TEAD1: variants seen among roughly 807,000 people sequenced by gnomAD.
TEAD1 encodes transcriptional enhancer factor TEF-1.
Under a neutral mutation model 54.9 loss-of-function variants are expected in TEAD1, and 9 were observed. That is an observed-to-expected ratio of 0.16 (90% CI 0.10 to 0.29). The LOEUF (loss-of-function observed/expected upper bound fraction) is 0.29, where lower values mean the gene tolerates loss of function less well. TEAD1 is among the 10% of genes least tolerant of loss of function. The probability of loss-of-function intolerance (pLI) is 1.00; values close to 1 mark genes in which losing one functional copy is unlikely to be tolerated. For synonymous variants in TEAD1, 200 were observed against 187.8 expected (o/e 1.07, Z -0.53); for missense variants, 387 against 535.9 (o/e 0.72, Z 2.74).
At chr11:12,926,576 T>C (rs1948906319) in intron 11 of TEAD1, among the ~76,000 whole-genome samples, 1 of 152,030 alleles carries the variant, frequency 6.6e-6, no homozygotes, top group African/African-American at 2.4e-5. Context: ...TGATTATAGA[T>C]GCAAGACTAG....
chr11:12,913,207 C>A (rs112110517), intron 10 of TEAD1, among the ~76,000 whole-genome samples: 2 of 152,070 alleles, frequency 1.3e-5, no homozygotes, highest in African/African-American at 4.8e-5. Flanking sequence ...TGTGAGAGAC[C>A]CCCTCTCCAT....
rs200089160 is a variant in TEAD1, at chr11:12,902,098, C to T, written c.858C>T (p.Phe286=). 3.7e-5 allele frequency: 60 copies of T among 1,614,122 alleles called. No individual in the cohort carries two copies. The highest frequency in any genetic ancestry group is 4.6e-5 in the Non-Finnish European group (54 of 1,180,050). ...GAAAGGGCCCTCAAAATGCCTTCTT[C>T]CTCGTAAAATTCTGGGTGAGTAAGA... is the stretch of plus-strand genomic sequence containing the variant. Residue 286 remains phenylalanine (F), a synonymous_variant, in exon 10 of 13, where the codon TTC becomes TTT. Coordinates refer to ENST00000527636, the MANE Select transcript of TEAD1 (RefSeq NM_021961.6).
chr11:12,709,413 AT>A (rs1323774776), intron 2 of TEAD1, among the ~76,000 whole-genome samples: 2 of 151,412 alleles, frequency 1.3e-5, no homozygotes, highest in South Asian at 2.1e-4. Flanking sequence ...TTGAATTTTA[AT>A]TTTTTTTTAA....
chr11:12,845,146 G>A (rs1947118634), intron 3 of TEAD1, among the ~76,000 whole-genome samples: 1 of 151,684 alleles, frequency 6.6e-6, no homozygotes, highest in Admixed American at 6.6e-5. Context: ...TGTATTTTTA[G>A]TAGACACGGG....
intron 3 of TEAD1, among the ~76,000 whole-genome samples, chr11:12,845,853 C>T (rs1169717504): frequency 6.6e-6 from 1 of 152,204 alleles, no homozygotes; most frequent in Non-Finnish European, 1.5e-5. Flanking sequence ...TCCCAGGGGG[C>T]TGTGCCCCGC....
intron 7 of TEAD1, 96 bp downstream of exon 7, chr11:12,881,147 G>A (rs1947957680): frequency 1.5e-6 from 2 of 1,368,650 alleles, no homozygotes; most frequent in South Asian, 1.2e-5. Context: ...AGGGCCTGGA[G>A]GAGAAAGGAG....
At chr11:12,875,107 C>T (rs1947828926) in intron 5 of TEAD1, among the ~76,000 whole-genome samples, 1 of 152,208 alleles carries the variant, frequency 6.6e-6, no homozygotes, top group African/African-American at 2.4e-5. Flanking sequence ...AATGTGCTCA[C>T]CTTTGTAAAT....
chr11:12,873,474 G>A lies in TEAD1; in HGVS notation c.331-6234G>A, dbSNP rs548218465. Among the ~76,000 whole-genome samples the A allele has an allele frequency of 1.1e-4, 16 of 152,254 alleles. No individual in the cohort carries two copies. In the East Asian group the frequency reaches 2.7e-3, roughly 26 times the overall value. ...ATTATAAAATACCAAATATAGCTGA[G>A]TATATTTAAAAATGAACAATGGTAA... On this transcript the variant is annotated intron_variant, in intron 5 of 12. Coordinates refer to ENST00000527636, the MANE Select transcript of TEAD1 (RefSeq NM_021961.6).
At chr11:12,783,029 G>GA (rs1402270764) in intron 3 of TEAD1, among the ~76,000 whole-genome samples, 1 of 151,920 alleles carries the variant, frequency 6.6e-6, no homozygotes, top group East Asian at 1.9e-4. Context: ...CTTCACAAAA[G>GA]AGTAATCACC....
chr11:12,821,079 C>T (rs949937937), intron 3 of TEAD1, among the ~76,000 whole-genome samples: 1 of 152,164 alleles, frequency 6.6e-6, no homozygotes, highest in African/African-American at 2.4e-5. Flanking sequence ...GTGGATCCAG[C>T]TGCTGTCCAG....
At chr11:12,703,835 G>A (rs997542385) in intron 2 of TEAD1, among the ~76,000 whole-genome samples, 2 of 152,080 alleles carry the variant, frequency 1.3e-5, no homozygotes, top group African/African-American at 4.8e-5. Flanking sequence ...CTTGAGTTCT[G>A]CTTTTTATTA....
At chr11:12,821,100 A>T (rs954577908) in intron 3 of TEAD1, among the ~76,000 whole-genome samples, 1 of 152,230 alleles carries the variant, frequency 6.6e-6, no homozygotes, top group African/African-American at 2.4e-5. Flanking sequence ...GCCTTCAAGA[A>T]GCAGAGCCCC....
At chr11:12,918,701 A>G (rs1948757253) in intron 10 of TEAD1, among the ~76,000 whole-genome samples, 1 of 152,208 alleles carries the variant, frequency 6.6e-6, no homozygotes, top group Non-Finnish European at 1.5e-5. Context: ...AAGAACGTTC[A>G]TAGTAGCACT....
chr11:12,929,114 G>T (rs867274505), intron 11 of TEAD1, among the ~76,000 whole-genome samples: 40 of 150,996 alleles, frequency 2.6e-4, no homozygotes, highest in Admixed American at 4.0e-4. Flanking sequence ...TTAGCAAGTT[G>T]TATTTTTCTG....
intron 2 of TEAD1, among the ~76,000 whole-genome samples, chr11:12,698,651 C>T (rs537755398): frequency 6.6e-6 from 1 of 152,142 alleles, no homozygotes; most frequent in South Asian, 2.1e-4. Flanking sequence ...ATTCTAGCCC[C>T]GTGTCTCTTT....
intron 3 of TEAD1, among the ~76,000 whole-genome samples, chr11:12,832,513 T>G (rs563531211): frequency 6.6e-6 from 1 of 152,232 alleles, no homozygotes; most frequent in Admixed American, 6.5e-5. Context: ...TCCTTCTGCT[T>G]CTTGCACTAA....
intron 3 of TEAD1, among the ~76,000 whole-genome samples, chr11:12,851,912 G>C (rs1947282945): frequency 6.6e-6 from 1 of 152,200 alleles, no homozygotes; most frequent in African/African-American, 2.4e-5. Context: ...CTAGGAGGTG[G>C]ATGAATAGTC....
At chr11:12,803,030 C>G (rs1332315638) in intron 3 of TEAD1, among the ~76,000 whole-genome samples, 1 of 152,092 alleles carries the variant, frequency 6.6e-6, no homozygotes, top group Admixed American at 6.5e-5. Flanking sequence ...GGAGACTTCT[C>G]TCTACCCAGC....
At chr11:12,779,776 C>T (rs1210549390) in intron 3 of TEAD1, among the ~76,000 whole-genome samples, 1 of 152,150 alleles carries the variant, frequency 6.6e-6, no homozygotes, top group Non-Finnish European at 1.5e-5. Context: ...AGTTTAACAT[C>T]TGAAAATCAA....
Sources: allele counts gnomAD v4.1 joint callset (sites outside exome capture counted in the v4.1 genomes callset), GRCh38; gene constraint gnomAD v4.1.1; transcripts MANE v1.5; gene names NCBI Gene and HGNC (gene_info 2026-07-23, HGNC 2026-07-21).